KLF15: variants seen among roughly 807,000 people sequenced by gnomAD.
KLF15 encodes the protein KLF transcription factor 15.
In KLF15, 4 loss-of-function variants were observed where a neutral mutation model predicts 24.6. The ratio of observed to expected loss-of-function variants is 0.16; its 90% CI spans 0.08 to 0.37. KLF15 has a LOEUF of 0.37. Ranked by LOEUF, KLF15 falls within the 10% of genes least tolerant of loss-of-function variation. KLF15 has a pLI of 1.00. For synonymous variants in KLF15, 246 were observed against 236.3 expected, an observed-to-expected ratio of 1.04 and a Z score of -0.37; for missense variants, 496 against 560.6, an observed-to-expected ratio of 0.88 and a Z score of 1.16.
chr3:126,319,858 AG>A, the KLF15 span, among the ~76,000 whole-genome samples: 3 of 150,406 alleles, frequency 2.0e-5, no homozygotes, highest in Non-Finnish European at 4.4e-5. Context: ...GGTGCAGGGG[AG>A]GGGGAACTGG....
chr3:126,308,511 G>A, the KLF15 span, among the ~76,000 whole-genome samples: 6 of 152,190 alleles, frequency 3.9e-5, no homozygotes, highest in South Asian at 4.1e-4. Flanking sequence ...AGGCAGTGCT[G>A]ACACAGAGCT....
At chr3:126,318,411 G>C in the KLF15 span, among the ~76,000 whole-genome samples, 1 of 152,126 alleles carries the variant, frequency 6.6e-6, no homozygotes, top group Non-Finnish European at 1.5e-5. Flanking sequence ...CTAGTTTCTA[G>C]CTTCCTTTAC....
rs915493383 is a variant in KLF15, at chr3:126,356,063, C to T, written c.-26+1174G>A. Among the ~76,000 whole-genome samples, 8 of 152,330 alleles carry T rather than the reference C, an allele frequency of 5.3e-5. No homozygotes were observed. The East Asian group carries it at 1.5e-3, about 29-fold the overall frequency. On this transcript the variant is annotated intron_variant, in intron 1 of 2. Coordinates refer to ENST00000296233, the MANE Select transcript of KLF15 (RefSeq NM_014079.4). The surrounding 1 kb of genome is among the most constrained non-coding windows in gnomAD (Gnocchi z 4.4). Reference sequence around the variant, plus strand: ...GGCCCGGCCAGGCCTGCTGTTTATCCTCCCGGGGACACAGCGGCTGCAGGA... The same window carrying T: ...GGCCCGGCCAGGCCTGCTGTTTATCTTCCCGGGGACACAGCGGCTGCAGGA...
At chr3:126,329,811 C>T in the KLF15 span, among the ~76,000 whole-genome samples, 3 of 146,580 alleles carry the variant, frequency 2.0e-5, no homozygotes, top group Non-Finnish European at 4.5e-5. Flanking sequence ...TTTATGTTTT[C>T]CATTAAAGTT....
At chr3:126,331,931 A>C in the KLF15 span, among the ~76,000 whole-genome samples, 1 of 152,188 alleles carries the variant, frequency 6.6e-6, no homozygotes, top group African/African-American at 2.4e-5. Flanking sequence ...CGCCCACGGA[A>C]TCTCACTGAC....
At chr3:126,324,717 G>A in the KLF15 span, among the ~76,000 whole-genome samples, 3,108 of 136,584 alleles carry the variant, frequency 0.023, 104 homozygotes, top group African/African-American at 0.07. Flanking sequence ...ACATCTGAAA[G>A]CATATCATGT....
chr3:126,343,974 C>A (rs1039763237), intron 2 of KLF15, 79 bp from the exon 3 acceptor site: 10 of 1,413,828 alleles, frequency 7.1e-6, no homozygotes, highest in Non-Finnish European at 9.4e-6. Flanking sequence ...TGCCGGGATG[C>A]AAGGCGTGCA....
chr3:126,322,612 AG>A, the KLF15 span, among the ~76,000 whole-genome samples: 2 of 152,214 alleles, frequency 1.3e-5, no homozygotes, highest in Admixed American at 1.3e-4. Context: ...ACATCTTCCC[AG>A]GTTCTGGGGA....
chr3:126,352,707 G>C lies in KLF15; in HGVS notation c.216C>G (p.Ser72Arg). Residue 72 changes from serine (S) to arginine (R), a missense_variant, in exon 2 of 3, where the codon AGC (serine) becomes AGG (arginine). Transcript: ENST00000296233. ...ATAGGAAGTCCAAGATGCTGTCCTG[G>C]CTCTCGGTGCCCAGGCCTCCACCAT... is the stretch of plus-strand genomic sequence containing the variant. The part of the protein sequence containing the change: ...SCYGGGLGTE[S>R]QDSILDFLLS... 1 of 1,582,622 alleles carries C rather than the reference G, an allele frequency of 6.3e-7. No homozygotes were observed. The highest frequency in any genetic ancestry group is 8.6e-7 in the Non-Finnish European group (1 of 1,164,608).
At position 126,352,069 on chromosome 3, in the gene KLF15, G is replaced by C. The variant is rs2082587720; in HGVS notation, c.854C>G (p.Pro285Arg). Residue 285 changes from proline (P) to arginine (R), a missense_variant, in exon 2 of 3, where the codon CCC becomes CGC. Transcript: ENST00000296233. The part of the protein sequence containing the change: ...PSKFVRIAPV[P>R]IAAKPVGSGP... ...CGATCCAACAGGCTTGGCGGCAATG[G>C]GCACAGGGGCAATGCGCACAAACTT... 1 of 1,533,846 alleles carries C rather than the reference G, an allele frequency of 6.5e-7. No homozygotes were observed. The highest frequency in any genetic ancestry group is 1.4e-5 in the African/African-American group (1 of 72,980).
chr3:126,307,592 G>C, the KLF15 span, among the ~76,000 whole-genome samples: 1 of 152,196 alleles, frequency 6.6e-6, no homozygotes, highest in African/African-American at 2.4e-5. Flanking sequence ...TGCTGTGTGG[G>C]AGACTCAGCC....
the KLF15 span, among the ~76,000 whole-genome samples, chr3:126,328,553 G>A: frequency 2.0e-5 from 3 of 152,258 alleles, no homozygotes; most frequent in East Asian, 1.9e-4. Context: ...CACCAGCAGC[G>A]TAGAAGTGTT....
chr3:126,331,176 T>C, the KLF15 span, among the ~76,000 whole-genome samples: 1 of 152,104 alleles, frequency 6.6e-6, no homozygotes, highest in Non-Finnish European at 1.5e-5. Context: ...CATGAGCCCC[T>C]CTTCTGGATG....
chr3:126,326,467 A>C, the KLF15 span, among the ~76,000 whole-genome samples: 1 of 152,222 alleles, frequency 6.6e-6, no homozygotes, highest in East Asian at 1.9e-4. Context: ...AATATATTGA[A>C]GGAGAATTGG....
At position 126,354,476 on chromosome 3, in the gene KLF15, G is replaced by C. The variant is rs923025578; in HGVS notation, c.-25-1529C>G. Among the ~76,000 whole-genome samples the C allele has an allele frequency of 1.4e-4, 22 of 152,094 alleles. 1 individual carries two copies. Among genetic ancestry groups the C allele is most frequent in the Non-Finnish European group, 4.4e-5 (3 of 68,022 alleles). On this transcript the variant is annotated intron_variant, in intron 1 of 2. Coordinates refer to ENST00000296233, the MANE Select transcript of KLF15 (RefSeq NM_014079.4). ...TTCCCAAACCTTAGTTTCCTCATCT[G>C]TTCCATGCTTCAAAGATCTCTAAGT... is the stretch of plus-strand genomic sequence containing the variant.
the KLF15 span, among the ~76,000 whole-genome samples, chr3:126,296,154 T>C: frequency 1.3e-5 from 2 of 152,230 alleles, no homozygotes; most frequent in Non-Finnish European, 2.9e-5. Context: ...TGGGTGTTAC[T>C]CATTGTTCAT....
the KLF15 span, among the ~76,000 whole-genome samples, chr3:126,328,052 A>G: frequency 6.6e-6 from 1 of 152,082 alleles, no homozygotes; most frequent in Non-Finnish European, 1.5e-5. Flanking sequence ...ACCCTGCACC[A>G]TATCTGTAAT....
the KLF15 span, among the ~76,000 whole-genome samples, chr3:126,292,774 G>A: frequency 2.0e-5 from 3 of 152,118 alleles, no homozygotes; most frequent in Admixed American, 6.5e-5. Context: ...GCTCCCAGAA[G>A]GAGACAAAGA....
chr3:126,335,453 C>T, the KLF15 span, among the ~76,000 whole-genome samples: 3 of 145,666 alleles, frequency 2.1e-5, no homozygotes, highest in South Asian at 2.3e-4. Context: ...TATGACAAAC[C>T]CACAGCCAAT....
Sources: allele counts gnomAD v4.1 joint callset (sites outside exome capture counted in the v4.1 genomes callset), GRCh38; gene constraint gnomAD v4.1.1; non-coding constraint Gnocchi (gnomAD v3.1); transcripts MANE v1.5; gene names NCBI Gene and HGNC (gene_info 2026-07-23, HGNC 2026-07-21).